Variants in HSF2BP observed in about 807,000 individuals in gnomAD.
HSF2BP encodes the protein heat shock factor 2-binding protein.
Under a neutral mutation model 35.0 loss-of-function variants are expected in HSF2BP, and 35 were observed. The ratio of observed to expected loss-of-function variants is 1.00; its 90% confidence interval spans 0.76 to 1.32. HSF2BP has a LOEUF of 1.32. HSF2BP is among the 40% of genes most tolerant of loss of function. The pLI is 0.00. For missense variants in HSF2BP, 326 were observed against 321.7 expected, an observed-to-expected ratio of 1.01 and a Z score of -0.10; for synonymous variants, 114 against 117.4, an observed-to-expected ratio of 0.97 and a Z score of 0.18.
intron 8 of HSF2BP, among the ~76,000 whole-genome samples, chr21:43,590,469 C>A (rs1363981610): frequency 6.6e-6 from 1 of 152,194 alleles, no homozygotes; most frequent in South Asian, 2.1e-4. Flanking sequence ...AGTGATCCCA[C>A]TTCTAGGTAT....
At chr21:43,610,274 C>G (rs914840651) in intron 7 of HSF2BP, among the ~76,000 whole-genome samples, 1 of 151,948 alleles carries the variant, frequency 6.6e-6, no homozygotes, top group Non-Finnish European at 1.5e-5. Flanking sequence ...CAAAGACAGA[C>G]AGATGATAGG....
chr21:43,499,985 CCA>C, the HSF2BP span, among the ~76,000 whole-genome samples: 1 of 87,092 alleles, frequency 1.1e-5, no homozygotes, highest in Non-Finnish European at 2.3e-5. Flanking sequence ...CACACATATA[CCA>C]CACACACACC....
intron 8 of HSF2BP, among the ~76,000 whole-genome samples, chr21:43,579,476 A>G (rs1381034911): frequency 6.6e-6 from 1 of 152,248 alleles, no homozygotes; most frequent in Non-Finnish European, 1.5e-5. Flanking sequence ...GAAAATATGA[A>G]GAAAGCCACA....
chr21:43,622,449 G>A (rs1434657438), intron 6 of HSF2BP, among the ~76,000 whole-genome samples: 2 of 151,992 alleles, frequency 1.3e-5, no homozygotes, highest in African/African-American at 4.8e-5. Context: ...CACCCATAAA[G>A]GCACATACAG....
chr21:43,635,205 G>T (rs575950924), intron 4 of HSF2BP, among the ~76,000 whole-genome samples: 1 of 152,242 alleles, frequency 6.6e-6, no homozygotes, highest in South Asian at 2.1e-4. Context: ...AGAAAGTAGA[G>T]CTAAATAAAG....
rs2082909346 is a variant in HSF2BP at position 43,658,304 on chromosome 21, G to A, written c.-208C>T. The A allele has an allele frequency of 5.2e-6, 3 of 580,068 alleles. No homozygotes were observed. The highest frequency in any genetic ancestry group is 5.9e-6 in the Non-Finnish European group (2 of 338,398). The allele number at this position is 580,068 out of a possible 1,614,324, so 35.9% of individuals were successfully genotyped here. ...TCTTTGGCTCTTCTGGCTTAGCCGG[G>A]GTTTTAAACTTGTTATCTGCAAAGC... is the stretch of plus-strand genomic sequence containing the variant. On this transcript the variant is annotated 5_prime_UTR_variant, in exon 2 of 9. Coordinates refer to ENST00000291560, the MANE Select transcript of HSF2BP (RefSeq NM_007031.2).
intron 3 of HSF2BP, 59 bp from the exon 4 acceptor site, chr21:43,644,451 A>C: frequency 1.5e-6 from 2 of 1,364,198 alleles, no homozygotes; most frequent in Non-Finnish European, 2.1e-6. Flanking sequence ...CTCCCTAAGC[A>C]TCTATTTTGC....
chr21:43,595,364 A>C (rs1047324343), intron 7 of HSF2BP, among the ~76,000 whole-genome samples: 1 of 152,228 alleles, frequency 6.6e-6, no homozygotes, highest in African/African-American at 2.4e-5. Flanking sequence ...CTACATTAAC[A>C]GAAAAGAAAA....
chr21:43,594,746 C>T lies in HSF2BP; in HGVS notation c.693-2418G>A, dbSNP rs369327621. Reference sequence around the variant, plus strand: ...AGGAGGGAGACAGGGAGGGAGGAAGCGAGGGAGAAAGAGAGGTAGGGAGGG... The same window carrying T: ...AGGAGGGAGACAGGGAGGGAGGAAGTGAGGGAGAAAGAGAGGTAGGGAGGG... On this transcript the variant is annotated intron_variant, in intron 7 of 8. Coordinates refer to ENST00000291560, the MANE Select transcript of HSF2BP (RefSeq NM_007031.2). Among the ~76,000 whole-genome samples the T allele has an allele frequency of 6.6e-4, 99 of 149,238 alleles. No individual in the cohort carries two copies. In the East Asian group the frequency reaches 0.01, roughly 16 times the overall value.
At chr21:43,577,658 C>A (rs1014988038) in intron 8 of HSF2BP, among the ~76,000 whole-genome samples, 3 of 152,164 alleles carry the variant, frequency 2.0e-5, no homozygotes, top group Non-Finnish European at 4.4e-5. Context: ...GACTGTCAGG[C>A]CTCTGAGCCC....
chr21:43,658,358 G>C (rs1390833963), intron 1 of HSF2BP, 38 bp from the exon 2 acceptor site: 1 of 518,726 alleles, frequency 1.9e-6, no homozygotes, highest in Non-Finnish European at 3.4e-6. Context: ...TGATGTAAGT[G>C]TCAAGTAAAA....
At chr21:43,600,572 CAGTA>C (rs1039203649) in intron 7 of HSF2BP, among the ~76,000 whole-genome samples, 20 of 152,308 alleles carry the variant, frequency 1.3e-4, no homozygotes, top group Admixed American at 2.0e-4. Flanking sequence ...AGACAGAGTA[CAGTA>C]AGTAATGACT....
In HSF2BP at chr21:43,625,162, C is replaced by A. The variant is rs149672179; in HGVS notation, c.574+5160G>T. On this transcript the variant is annotated intron_variant, in intron 6 of 8. Transcript: ENST00000291560. The stretch of plus-strand genomic sequence containing the variant: ...GAAAACTGGTAACAGCTACCCCATT[C>A]TTTCCGGGGGCAGAGGGAGAGATAA... 9.7e-4 allele frequency among the ~76,000 whole-genome samples: 148 copies of A among 152,248 alleles called. 2 individuals are homozygous for A. The highest frequency in any genetic ancestry group is 3.4e-3 in the African/African-American group (140 of 41,532).
At chr21:43,620,114 T>C (rs1376006031) in intron 6 of HSF2BP, among the ~76,000 whole-genome samples, 2 of 152,052 alleles carry the variant, frequency 1.3e-5, no homozygotes, top group Non-Finnish European at 2.9e-5. Flanking sequence ...TAAGTAAACA[T>C]ATCCAATAAA....
chr21:43,656,298 T>C (rs538697938), intron 3 of HSF2BP, among the ~76,000 whole-genome samples: 23 of 152,328 alleles, frequency 1.5e-4, no homozygotes, highest in Non-Finnish European at 2.9e-4. Context: ...ATTTTCAGAA[T>C]AGAGCTTTTC....
At chr21:43,611,817 T>A (rs904178508) in intron 7 of HSF2BP, among the ~76,000 whole-genome samples, 2 of 152,236 alleles carry the variant, frequency 1.3e-5, no homozygotes, top group African/African-American at 2.4e-5. Context: ...GCAGGGTATA[T>A]GAAGCCCCAG....
chr21:43,628,474 A>G (rs890300646), intron 6 of HSF2BP, among the ~76,000 whole-genome samples: 19 of 152,244 alleles, frequency 1.2e-4, no homozygotes, highest in African/African-American at 4.6e-4. Context: ...GAAGGCTGAC[A>G]GGGGTAAGGA....
At chr21:43,613,988 C>G in intron 6 of HSF2BP, 41 bp from the exon 7 acceptor site, 1 of 1,394,636 alleles carries the variant, frequency 7.2e-7, no homozygotes, top group East Asian at 2.3e-5. Context: ...ATCATTATGA[C>G]TCAGAACCTA....
chr21:43,592,016 T>C (rs2081931603), intron 8 of HSF2BP, among the ~76,000 whole-genome samples: 1 of 152,190 alleles, frequency 6.6e-6, no homozygotes, highest in Non-Finnish European at 1.5e-5. Context: ...TCTATTTTAT[T>C]ATTAGTTGTT....
Sources: gnomAD v4.1 joint callset for allele counts (sites outside exome capture counted in the v4.1 genomes callset) on GRCh38, gnomAD v4.1.1 for gene constraint, MANE v1.5 for transcripts, NCBI Gene and HGNC (gene_info 2026-07-23, HGNC 2026-07-21) for gene names.